FGGY: variants seen among roughly 807,000 people sequenced by gnomAD.
FGGY encodes FGGY carbohydrate kinase domain-containing protein.
Under a neutral mutation model 71.3 loss-of-function variants are expected in FGGY, and 72 were observed. The observed-to-expected ratio is 1.01, with a 90% CI of 0.84 to 1.23. The LOEUF (loss-of-function observed/expected upper bound fraction) is 1.23. Ranked by LOEUF, FGGY falls within the 50% of genes most tolerant of loss-of-function variation. The pLI, the probability that FGGY is intolerant of heterozygous loss-of-function variation, is 0.00. For missense variants in FGGY, 668 were observed against 682.3 expected, an observed-to-expected ratio of 0.98 and a Z score of 0.23; for synonymous variants, 251 against 250.3, an observed-to-expected ratio of 1.00 and a Z score of -0.02.
intron 11 of FGGY, among the ~76,000 whole-genome samples, chr1:59,659,680 C>T (rs542107970): frequency 1.1e-4 from 17 of 152,270 alleles, no homozygotes; most frequent in South Asian, 4.1e-4. Flanking sequence ...ATATAAACAT[C>T]CGATTCTGAT....
intron 14 of FGGY, among the ~76,000 whole-genome samples, chr1:59,721,783 A>C (rs992620434): frequency 6.6e-6 from 1 of 151,838 alleles, no homozygotes; most frequent in Non-Finnish European, 1.5e-5. Flanking sequence ...TTGGAATGCA[A>C]TGTATTTTTA....
Position 59,321,582 on chromosome 1 carries a change from C to A in FGGY, c.33C>A (p.Tyr11Ter), listed in dbSNP as rs998841626. 6.2e-7 allele frequency: 1 copy of A among 1,613,876 alleles called. No individual in the cohort carries two copies. Among genetic ancestry groups the A allele is most frequent in the Non-Finnish European group, 8.5e-7 (1 of 1,179,864 alleles). Residue 11 changes from tyrosine to a stop codon, truncating the protein, a stop_gained, in exon 2 of 16, where the codon TAC becomes TAA. Transcript: ENST00000303721. LOFTEE classifies it high-confidence loss of function. Reference sequence around the variant, plus strand: ...GTGGAGAACAGAAACCAGAGAGGTACTATGTGGGTGTGGACGTTGGAACAG... The same window carrying A: ...GTGGAGAACAGAAACCAGAGAGGTAATATGTGGGTGTGGACGTTGGAACAG... MSGGEQKPER[Y>*]YVGVDVGTGS...
chr1:59,678,501 C>T (rs979638655), intron 14 of FGGY, among the ~76,000 whole-genome samples: 2 of 152,128 alleles, frequency 1.3e-5, no homozygotes, highest in Non-Finnish European at 2.9e-5. Flanking sequence ...TAAGCACAGA[C>T]AGTTAAAAGA....
chr1:59,552,574 T>G (rs1207622407), intron 7 of FGGY, among the ~76,000 whole-genome samples: 1 of 152,180 alleles, frequency 6.6e-6, no homozygotes, highest in Non-Finnish European at 1.5e-5. Context: ...GAGCAGCCAG[T>G]GCCTTCAGTA....
chr1:59,313,459 G>T (rs142583287), intron 1 of FGGY, among the ~76,000 whole-genome samples: 197 of 152,196 alleles, frequency 1.3e-3, no homozygotes, highest in African/African-American at 4.7e-3. Context: ...GAATGCCTAG[G>T]TATAGATAAC....
At chr1:59,544,961 T>A (rs891372354) in intron 7 of FGGY, among the ~76,000 whole-genome samples, 96 of 152,288 alleles carry the variant, frequency 6.3e-4, no homozygotes, top group African/African-American at 2.2e-3. Flanking sequence ...CCATCTTCCT[T>A]CCCTGATGGC....
At position 59,501,298 on chromosome 1, in the gene FGGY, C is replaced by T. The variant is rs373248626; in HGVS notation, c.671-11013C>T. On this transcript the variant is annotated intron_variant, in intron 6 of 15. Transcript: ENST00000303721. ...TCTGCTTCCTATGTTTTTAGTGATACAATTTTGTGTCAAATAAATCCTCAT... is the reference window on the plus strand; with the variant it reads ...TCTGCTTCCTATGTTTTTAGTGATATAATTTTGTGTCAAATAAATCCTCAT... 7.5e-4 allele frequency among the ~76,000 whole-genome samples: 114 copies of T among 152,128 alleles called. 1 individual carries two copies. The highest frequency in any genetic ancestry group is 2.6e-3 in the African/African-American group (110 of 41,514).
chr1:59,571,894 A>G (rs908233994), intron 8 of FGGY, among the ~76,000 whole-genome samples: 1 of 152,192 alleles, frequency 6.6e-6, no homozygotes, highest in Non-Finnish European at 1.5e-5. Context: ...GAAGCAAAAA[A>G]GACAATGTCT....
chr1:59,591,189 A>G (rs940391560), intron 8 of FGGY, among the ~76,000 whole-genome samples: 1 of 152,214 alleles, frequency 6.6e-6, no homozygotes, highest in African/African-American at 2.4e-5. Context: ...CCCATTTACA[A>G]TTGCTTCAAA....
chr1:59,667,815 G>T (rs2097339022), intron 13 of FGGY, among the ~76,000 whole-genome samples: 1 of 152,178 alleles, frequency 6.6e-6, no homozygotes, highest in Non-Finnish European at 1.5e-5. Flanking sequence ...ACAGCAAACA[G>T]GCATATTAAA....
chr1:59,611,607 G>A (rs920887988), intron 9 of FGGY, among the ~76,000 whole-genome samples: 1 of 152,206 alleles, frequency 6.6e-6, no homozygotes, highest in African/African-American at 2.4e-5. Context: ...CTCCTCCAAA[G>A]GAACGCAGCT....
chr1:59,482,230 A>G (rs1337006057), intron 6 of FGGY, among the ~76,000 whole-genome samples: 1 of 152,290 alleles, frequency 6.6e-6, no homozygotes, highest in East Asian at 1.9e-4. Flanking sequence ...AGATCCTTTT[A>G]TCACCAGCTG....
intron 1 of FGGY, chr1:59,315,860 C>T (rs1024185560): frequency 6.6e-6 from 1 of 151,048 alleles, no homozygotes; most frequent in Non-Finnish European, 1.5e-5. Flanking sequence ...GAACTGTCTC[C>T]CCTTGGAGGG....
chr1:59,360,049 A>G (rs1297933797), intron 4 of FGGY, among the ~76,000 whole-genome samples: 2 of 152,102 alleles, frequency 1.3e-5, no homozygotes, highest in Admixed American at 1.3e-4. Context: ...AGCAATTAGG[A>G]AATACAGTCT....
At chr1:59,420,054 TG>T (rs1357117272) in intron 5 of FGGY, among the ~76,000 whole-genome samples, 2 of 152,236 alleles carry the variant, frequency 1.3e-5, no homozygotes, top group African/African-American at 4.8e-5. Context: ...GAAAGCATCT[TG>T]GCTTGTTCAC....
rs567278712 is a variant in FGGY at position 59,368,994 on chromosome 1, C to T, written c.466-9755C>T. Among the ~76,000 whole-genome samples the T allele has an allele frequency of 2.0e-3, 303 of 152,198 alleles. 1 individual carries two copies. Among genetic ancestry groups the T allele is most frequent in the African/African-American group, 6.7e-3 (280 of 41,550 alleles). ...CTCCCAGTGTGAGCAACGCAGAAGA[C>T]GGGTGATTTCTGCATTTCCATCTGA... On this transcript the variant is annotated intron_variant, in intron 4 of 15. Transcript: ENST00000303721.
intron 5 of FGGY, among the ~76,000 whole-genome samples, chr1:59,384,280 C>T (rs1298547357): frequency 6.6e-6 from 1 of 152,052 alleles, no homozygotes; most frequent in Non-Finnish European, 1.5e-5. Context: ...CCATTTCCCT[C>T]TCTTCCAGAG....
At chr1:59,567,884 G>A (rs553938167) in intron 8 of FGGY, among the ~76,000 whole-genome samples, 3 of 149,294 alleles carry the variant, frequency 2.0e-5, no homozygotes, top group South Asian at 4.4e-4. Context: ...TGCTAGCTAG[G>A]CATACGAGAT....
chr1:59,618,657 A>G lies in FGGY; in HGVS notation c.1012-7331A>G, dbSNP rs148923597. Among the ~76,000 whole-genome samples the G allele has an allele frequency of 4.4e-3, 674 of 152,278 alleles. 4 individuals carry two copies. The highest frequency in any genetic ancestry group is 0.015 in the African/African-American group (607 of 41,554). On this transcript the variant is annotated intron_variant, in intron 9 of 15. Coordinates refer to ENST00000303721, the MANE Select transcript of FGGY (RefSeq NM_018291.5). Reference sequence around the variant, plus strand: ...ATAAATTAAATACAATATCTGAAATACATATATAGTAGATGGGCCTAAGAG... The same window carrying G: ...ATAAATTAAATACAATATCTGAAATGCATATATAGTAGATGGGCCTAAGAG...
Sources: gnomAD v4.1 joint callset for allele counts (sites outside exome capture counted in the v4.1 genomes callset) on GRCh38, gnomAD v4.1.1 for gene constraint, MANE v1.5 for transcripts, NCBI Gene and HGNC (gene_info 2026-07-23, HGNC 2026-07-21) for gene names.